The following IGSF10 variants were observed in gnomAD, a reference collection of about 807,000 sequenced individuals.
The protein encoded by IGSF10 is immunoglobulin superfamily member 10.
IGSF10 carries 126 observed loss-of-function variants against 128.2 expected under a neutral mutation model. The observed-to-expected ratio is 0.98, with a 90% CI of 0.85 to 1.14. The LOEUF (loss-of-function observed/expected upper bound fraction) is 1.14, where lower values mean the gene tolerates loss of function less well. IGSF10 is among the 50% of genes most tolerant of loss of function. IGSF10 has a pLI of 0.00. For synonymous variants in IGSF10, 1,185 were observed against 1,146.2 expected, an observed-to-expected ratio of 1.03 and a Z score of -0.68; for missense variants, 3,295 against 3,149.8, an observed-to-expected ratio of 1.05 and a Z score of -1.10.
chr3:151,506,013 T>C, the IGSF10 span, among the ~76,000 whole-genome samples: 1 of 151,734 alleles, frequency 6.6e-6, no homozygotes, highest in African/African-American at 2.4e-5. Context: ...TACAGTGGTG[T>C]TGATCTCAGC....
At chr3:151,548,323 T>G in the IGSF10 span, among the ~76,000 whole-genome samples, 1 of 152,152 alleles carries the variant, frequency 6.6e-6, no homozygotes, top group Non-Finnish European at 1.5e-5. Context: ...CAGCATCAAA[T>G]GCTAAATATA....
chr3:151,460,877 T>G, intron 1 of IGSF10, 69 bp downstream of exon 1: 1 of 969,756 alleles, frequency 1.0e-6, no homozygotes, highest in Non-Finnish European at 1.2e-6. Flanking sequence ...CTCGCTCCAT[T>G]CCCACGCCAA....
Position 151,438,153 on chromosome 3 carries a change from A to T in IGSF10, c.6408T>A (p.Val2136=), listed in dbSNP as rs544052939. ...GKDEMKVHLT[V]ITAAPRIRQS... The stretch of plus-strand genomic sequence containing the variant: ...GCCTTATCCGGGGAGCAGCTGTTAT[A>T]ACTGTTAAGTGGACCTTCATTTCAT... The change falls in exon 8 of 8, where the codon GTT becomes GTA. Residue 2136 remains valine (V), a synonymous_variant. Coordinates refer to ENST00000282466, the MANE Select transcript of IGSF10 (RefSeq NM_178822.5). 7 of 1,614,158 alleles carry T rather than the reference A, an allele frequency of 4.3e-6. No individual in the cohort carries two copies. The African/African-American group carries it at 6.7e-5, about 15-fold the overall frequency.
At chr3:151,550,773 T>G in the IGSF10 span, among the ~76,000 whole-genome samples, 1 of 152,170 alleles carries the variant, frequency 6.6e-6, no homozygotes, top group Non-Finnish European at 1.5e-5. Context: ...CCAAATTAGA[T>G]TGTGTCCATG....
chr3:151,531,194 T>A, the IGSF10 span, among the ~76,000 whole-genome samples: 1 of 152,030 alleles, frequency 6.6e-6, no homozygotes, highest in African/African-American at 2.4e-5. Flanking sequence ...TAAAGCAAGT[T>A]CTGAGAGACC....
At chr3:151,579,595 A>G in the IGSF10 span, among the ~76,000 whole-genome samples, 2 of 151,900 alleles carry the variant, frequency 1.3e-5, no homozygotes, top group African/African-American at 2.4e-5. Flanking sequence ...TTCAAACAAA[A>G]AGTAAAGAAA....
At chr3:151,581,531 C>T in the IGSF10 span, among the ~76,000 whole-genome samples, 2 of 152,158 alleles carry the variant, frequency 1.3e-5, no homozygotes, top group African/African-American at 4.8e-5. Context: ...AGTGGAATGA[C>T]AGCTCACCTT....
chr3:151,459,087 C>T (rs1306919577), intron 2 of IGSF10, among the ~76,000 whole-genome samples: 1 of 152,102 alleles, frequency 6.6e-6, no homozygotes, highest in Non-Finnish European at 1.5e-5. Context: ...TTTAGAGTAA[C>T]TTTCAAGAAA....
At chr3:151,434,355 A>C (rs1719856973), downstream of IGSF10, 1 of 152,184 alleles carries the variant, frequency 6.6e-6, no homozygotes, top group South Asian at 2.1e-4. Flanking sequence ...CCTCAAATAC[A>C]TGTCAGCTTA....
chr3:151,462,660 G>C (rs114663452), upstream of IGSF10, among the ~76,000 whole-genome samples: 686 of 152,284 alleles, frequency 4.5e-3, 5 homozygotes, highest in African/African-American at 0.016. Flanking sequence ...ATAAAGTTGT[G>C]GCTGCCTCAC....
chr3:151,502,318 C>T, the IGSF10 span, among the ~76,000 whole-genome samples: 1 of 151,884 alleles, frequency 6.6e-6, no homozygotes, highest in East Asian at 1.9e-4. Context: ...ATCCTTTTCA[C>T]AGTAAAAATC....
At chr3:151,611,918 T>A in the IGSF10 span, among the ~76,000 whole-genome samples, 7 of 152,212 alleles carry the variant, frequency 4.6e-5, no homozygotes, top group Non-Finnish European at 8.8e-5. Context: ...CCTTCTAGGT[T>A]GAGCCACTGA....
the IGSF10 span, among the ~76,000 whole-genome samples, chr3:151,495,435 C>G: frequency 6.6e-6 from 1 of 152,098 alleles, no homozygotes; most frequent in Non-Finnish European, 1.5e-5. Context: ...TCAATGAATA[C>G]TCATGGCTTA....
chr3:151,563,723 C>T, the IGSF10 span, among the ~76,000 whole-genome samples: 2 of 152,014 alleles, frequency 1.3e-5, no homozygotes, highest in African/African-American at 2.4e-5. Context: ...TATTAGCCTG[C>T]CTTATGATAT....
chr3:151,522,127 C>A, the IGSF10 span, among the ~76,000 whole-genome samples: 113 of 152,016 alleles, frequency 7.4e-4, no homozygotes, highest in Non-Finnish European at 1.2e-3. Flanking sequence ...TAGATACATA[C>A]AACCTCCCAA....
chr3:151,593,164 G>A, the IGSF10 span, among the ~76,000 whole-genome samples: 3 of 152,044 alleles, frequency 2.0e-5, no homozygotes, highest in Admixed American at 1.3e-4. Flanking sequence ...AGGTGCTCGC[G>A]CTGACATCCA....
At chr3:151,535,438 T>C in the IGSF10 span, among the ~76,000 whole-genome samples, 1 of 152,000 alleles carries the variant, frequency 6.6e-6, no homozygotes, top group Non-Finnish European at 1.5e-5. Context: ...ATGGCAAAAA[T>C]AGACACTGGG....
At chr3:151,493,884 G>A in the IGSF10 span, among the ~76,000 whole-genome samples, 2 of 151,784 alleles carry the variant, frequency 1.3e-5, no homozygotes, top group Admixed American at 1.3e-4. Flanking sequence ...CAGATTGCTA[G>A]CCCACAGAAA....
At chr3:151,503,549 T>C in the IGSF10 span, among the ~76,000 whole-genome samples, 1 of 151,884 alleles carries the variant, frequency 6.6e-6, no homozygotes, top group African/African-American at 2.4e-5. Flanking sequence ...TAGAAAAAAT[T>C]GTGTAGAATG....
Sources: gnomAD v4.1 joint callset for allele counts (sites outside exome capture counted in the v4.1 genomes callset) on GRCh38, gnomAD v4.1.1 for gene constraint, MANE v1.5 for transcripts, NCBI Gene and HGNC (gene_info 2026-07-23, HGNC 2026-07-21) for gene names.